Variants in HEPHL1 observed in about 807,000 individuals in gnomAD.
HEPHL1 encodes the protein hephaestin like 1.
A neutral mutation model predicts 122.0 loss-of-function variants in HEPHL1; 123 were observed. The observed-to-expected ratio is 1.01, with a 90% CI of 0.87 to 1.17. The LOEUF is 1.17. Ranked by LOEUF, HEPHL1 falls within the 50% of genes most tolerant of loss-of-function variation. The pLI is 0.00. For synonymous variants in HEPHL1, 527 were observed against 508.9 expected (o/e 1.04, Z -0.48); for missense variants, 1,452 against 1,430.5 (o/e 1.01, Z -0.24).
At chr11:94,075,455 A>T in intron 9 of HEPHL1, 70 bp downstream of exon 9, 1 of 1,133,972 alleles carries the variant, frequency 8.8e-7, no homozygotes, top group Non-Finnish European at 1.3e-6. Context: ...GCCAGAGACG[A>T]GACAGGAATA....
At chr11:94,067,896 C>T (rs10765651) in intron 5 of HEPHL1, 146 bp downstream of exon 5, 388,319 of 667,896 alleles carry the variant, frequency 0.58, 114,224 homozygotes, top group South Asian at 0.67. Context: ...GAAAATATAA[C>T]GCTCATCTCT....
At chr11:94,105,366 T>G (rs1344136443) in intron 16 of HEPHL1, among the ~76,000 whole-genome samples, 1 of 152,222 alleles carries the variant, frequency 6.6e-6, no homozygotes, top group South Asian at 2.1e-4. Context: ...TTTTGCTTTC[T>G]TCTCCTAAAG....
chr11:94,021,695 G>A (rs1945583800), intron 1 of HEPHL1, among the ~76,000 whole-genome samples, 157 bp downstream of exon 1: 1 of 152,160 alleles, frequency 6.6e-6, no homozygotes, highest in Non-Finnish European at 1.5e-5. Context: ...TAGTATGGAT[G>A]GGTGTGTAAT....
intron 1 of HEPHL1, among the ~76,000 whole-genome samples, chr11:94,034,411 G>A (rs891239828): frequency 6.6e-6 from 1 of 152,188 alleles, no homozygotes; most frequent in African/African-American, 2.4e-5. Flanking sequence ...CTTTGAAGTA[G>A]GAGTGCCTGA....
intron 2 of HEPHL1, among the ~76,000 whole-genome samples, chr11:94,060,607 T>C (rs773923184): frequency 6.6e-6 from 1 of 152,120 alleles, no homozygotes; most frequent in African/African-American, 2.4e-5. Context: ...TAACAAGTGA[T>C]GGAGGTAAGA....
At chr11:94,050,546 T>C (rs1229273912) in intron 2 of HEPHL1, among the ~76,000 whole-genome samples, 3 of 152,104 alleles carry the variant, frequency 2.0e-5, no homozygotes, top group East Asian at 3.8e-4. Context: ...GGGAACATAG[T>C]AGATGTATAT....
At chr11:94,037,319 C>T (rs1682534418) in intron 1 of HEPHL1, among the ~76,000 whole-genome samples, 1 of 151,408 alleles carries the variant, frequency 6.6e-6, no homozygotes, top group South Asian at 2.1e-4. Context: ...CCCAGGCTTG[C>T]TTAGGTAAAC....
rs376890142 is a variant in HEPHL1, at chr11:94,036,927, C to T, written c.171-8746C>T. On this transcript the variant is annotated intron_variant, in intron 1 of 19. Transcript: ENST00000315765. ...CTCCCAGCGTGAGCGACACAGAAGA[C>T]GGGTGATTTCTGCATTTCCATCTGA... 3.7e-4 allele frequency among the ~76,000 whole-genome samples: 56 copies of T among 151,674 alleles called. 1 individual carries two copies. The highest frequency in any genetic ancestry group is 3.5e-3 in the Middle Eastern group (1 of 288).
intron 2 of HEPHL1, chr11:94,054,997 T>G (rs1271062138): frequency 6.5e-6 from 1 of 153,558 alleles, no homozygotes; most frequent in Non-Finnish European, 1.4e-5. Context: ...CCAGTTGGCT[T>G]GAGGAAGTAC....
intron 13 of HEPHL1, among the ~76,000 whole-genome samples, chr11:94,100,494 C>A (rs1253948127): frequency 6.6e-6 from 1 of 152,226 alleles, no homozygotes; most frequent in African/African-American, 2.4e-5. Flanking sequence ...AACAGAAATG[C>A]ACACACCAGA....
intron 6 of HEPHL1, among the ~76,000 whole-genome samples, 168 bp downstream of exon 6, chr11:94,070,710 G>T (rs979212612): frequency 6.6e-6 from 1 of 152,078 alleles, no homozygotes; most frequent in African/African-American, 2.4e-5. Flanking sequence ...GCACTGCTGA[G>T]AACTGGTAGA....
At position 94,088,814 on chromosome 11, in the gene HEPHL1, T is replaced by A. The variant is rs750498868; in HGVS notation, c.2140T>A (p.Tyr714Asn). 6.2e-7 allele frequency: 1 copy of A among 1,613,894 alleles called. No individual in the cohort carries two copies. The highest frequency in any genetic ancestry group is 8.5e-7 in the Non-Finnish European group (1 of 1,179,890). The change falls in exon 12 of 20, where the codon TAT (tyrosine) becomes AAT (asparagine). Residue 714 changes from tyrosine (Y) to asparagine (N), a missense_variant. Transcript: ENST00000315765. ...PHLSRGMGQI[Y>N]EVSSCDNRDP... ...CCTCTCGAGAGGCATGGGTCAGATCTATGAGGTCAGCAGCTGTGACAACAG... is the reference window on the plus strand; with the variant it reads ...CCTCTCGAGAGGCATGGGTCAGATCAATGAGGTCAGCAGCTGTGACAACAG...
chr11:94,107,831 A>T (rs1565364342), intron 17 of HEPHL1, among the ~76,000 whole-genome samples: 1 of 147,918 alleles, frequency 6.8e-6, no homozygotes, highest in Non-Finnish European at 1.5e-5. Flanking sequence ...TTTATTACAA[A>T]TCAAGTCATT....
At chr11:94,056,328 G>A (rs914757614) in intron 2 of HEPHL1, among the ~76,000 whole-genome samples, 2 of 151,946 alleles carry the variant, frequency 1.3e-5, no homozygotes, top group Non-Finnish European at 2.9e-5. Context: ...TGATTGTGGT[G>A]TTAGACCATT....
At chr11:94,038,316 A>G (rs1275708200) in intron 1 of HEPHL1, among the ~76,000 whole-genome samples, 2 of 144,256 alleles carry the variant, frequency 1.4e-5, no homozygotes, top group African/African-American at 5.2e-5. Flanking sequence ...ATCCAGGAGA[A>G]CTTCCCCAAC....
intron 2 of HEPHL1, among the ~76,000 whole-genome samples, chr11:94,047,890 C>A (rs1314359859): frequency 1.3e-5 from 2 of 151,954 alleles, no homozygotes; most frequent in Non-Finnish European, 2.9e-5. Flanking sequence ...TAAAATTTAC[C>A]ATTTTAACCA....
intron 13 of HEPHL1, among the ~76,000 whole-genome samples, chr11:94,099,681 G>A (rs953396042): frequency 6.6e-5 from 10 of 152,232 alleles, no homozygotes; most frequent in South Asian, 2.1e-4. Flanking sequence ...CTTCCCAGCC[G>A]CTTTGTTTAC....
chr11:94,066,671 C>A lies in HEPHL1; in HGVS notation c.809-825C>A, dbSNP rs553069283. Among the ~76,000 whole-genome samples, 133 of 152,250 alleles carry A rather than the reference C, an allele frequency of 8.7e-4. 1 individual carries two copies. Among genetic ancestry groups the A allele is most frequent in the Admixed American group, 2.0e-3 (30 of 15,280 alleles). The stretch of plus-strand genomic sequence containing the variant: ...ATTAATATGTACAAGTTTTATTGAT[C>A]AATTTATTTAAATTTACTAAAATAA... On this transcript the variant is annotated intron_variant, in intron 4 of 19. Coordinates refer to ENST00000315765, the MANE Select transcript of HEPHL1 (RefSeq NM_001098672.2).
intron 9 of HEPHL1, among the ~76,000 whole-genome samples, chr11:94,080,418 A>C (rs1946161241): frequency 6.6e-6 from 1 of 152,262 alleles, no homozygotes; most frequent in African/African-American, 2.4e-5. Context: ...TGTCAAAAGC[A>C]ATTGCAACAA....
Sources: allele counts gnomAD v4.1 joint callset (sites outside exome capture counted in the v4.1 genomes callset), GRCh38; gene constraint gnomAD v4.1.1; transcripts MANE v1.5; gene names NCBI Gene and HGNC (gene_info 2026-07-23, HGNC 2026-07-21).